KCNIP4: variants seen among roughly 807,000 people sequenced by gnomAD.
The protein encoded by KCNIP4 is Kv channel-interacting protein 4.
In KCNIP4, 12 loss-of-function variants were observed where a neutral mutation model predicts 34.0. That is an observed-to-expected ratio of 0.35 (90% CI 0.23 to 0.57). The LOEUF is 0.57. Ranked by LOEUF, KCNIP4 falls within the 20% of genes least tolerant of loss-of-function variation. The probability of loss-of-function intolerance (pLI) is 0.83; values close to 1 mark genes in which losing one functional copy is unlikely to be tolerated. For missense variants in KCNIP4, 238 were observed against 311.7 expected, an observed-to-expected ratio of 0.76 and a Z score of 1.78; for synonymous variants, 124 against 102.2, an observed-to-expected ratio of 1.21 and a Z score of -1.29.
At chr4:21,814,853 A>G (rs574500263) in intron 1 of KCNIP4, among the ~76,000 whole-genome samples, 2 of 152,304 alleles carry the variant, frequency 1.3e-5, no homozygotes, top group South Asian at 4.1e-4. Context: ...AGGAAATACC[A>G]TCCTGATATG....
At chr4:21,392,934 A>C (rs987681315) in intron 1 of KCNIP4, among the ~76,000 whole-genome samples, 1 of 152,184 alleles carries the variant, frequency 6.6e-6, no homozygotes, top group Non-Finnish European at 1.5e-5. Flanking sequence ...TCCTGATTAC[A>C]CCTGAAGCAA....
chr4:21,621,482 C>T (rs550342251), intron 1 of KCNIP4, among the ~76,000 whole-genome samples: 36 of 152,276 alleles, frequency 2.4e-4, no homozygotes, highest in Middle Eastern at 3.4e-3. Flanking sequence ...CGTCCTGCCT[C>T]AGCCTCCTAA....
chr4:21,559,157 G>T (rs1296603076), intron 1 of KCNIP4, among the ~76,000 whole-genome samples: 2 of 152,016 alleles, frequency 1.3e-5, no homozygotes, highest in Non-Finnish European at 2.9e-5. Flanking sequence ...GTCTATTTAT[G>T]ACCAAATGGA....
chr4:21,675,898 C>G (rs1749853587), intron 1 of KCNIP4, among the ~76,000 whole-genome samples: 1 of 152,144 alleles, frequency 6.6e-6, no homozygotes, highest in South Asian at 2.1e-4. Flanking sequence ...ATATATGTAT[C>G]ATATACCTGG....
intron 1 of KCNIP4, among the ~76,000 whole-genome samples, chr4:21,530,373 T>C (rs1183339352): frequency 6.6e-6 from 1 of 152,224 alleles, no homozygotes; most frequent in Non-Finnish European, 1.5e-5. Context: ...TAAAACATTT[T>C]ATTTACAATT....
chr4:21,102,478 G>T (rs1213071095), intron 1 of KCNIP4, among the ~76,000 whole-genome samples: 1 of 152,114 alleles, frequency 6.6e-6, no homozygotes, highest in Non-Finnish European at 1.5e-5. Flanking sequence ...CTTAAGCAGA[G>T]CTCGTCCCAT....
intron 1 of KCNIP4, among the ~76,000 whole-genome samples, chr4:21,646,189 C>T (rs1335444038): frequency 2.0e-5 from 3 of 152,186 alleles, no homozygotes; most frequent in South Asian, 2.1e-4. Flanking sequence ...TTATCCTCCA[C>T]TTGGCCTTAT....
rs1746547628 is a variant in KCNIP4 at position 21,087,229 on chromosome 4, T to G, written c.62-204520A>C. Reference sequence around the variant, plus strand: ...TCTTGCTCTGCCACCCAGGCTGGAGTTCAGTGGCATGATCTCAGCTCACTG... The same window carrying G: ...TCTTGCTCTGCCACCCAGGCTGGAGGTCAGTGGCATGATCTCAGCTCACTG... On this transcript the variant is annotated intron_variant, in intron 1 of 8. Transcript: ENST00000382152. Among the ~76,000 whole-genome samples, 2 of 146,044 alleles carry G rather than the reference T, an allele frequency of 1.4e-5. 1 individual carries two copies. The highest frequency in any genetic ancestry group is 5.1e-5 in the African/African-American group (2 of 39,476).
chr4:20,967,861 T>A lies in KCNIP4; in HGVS notation c.62-85152A>T, dbSNP rs57541631. On this transcript the variant is annotated intron_variant, in intron 1 of 8. Transcript: ENST00000382152. ...AACCTAGGCAATACCATTCAGGACA[T>A]AGGCATGGGCAAAGACTTCATGACT... 4.5e-3 allele frequency among the ~76,000 whole-genome samples: 686 copies of A among 152,280 alleles called. 6 individuals carry two copies. The highest frequency in any genetic ancestry group is 0.015 in the African/African-American group (633 of 41,544).
At chr4:21,334,650 C>T (rs562504277) in intron 1 of KCNIP4, among the ~76,000 whole-genome samples, 16 of 152,062 alleles carry the variant, frequency 1.1e-4, no homozygotes, top group Non-Finnish European at 2.1e-4. Context: ...AAAGATTCCT[C>T]ATGCTTACTT....
At chr4:21,798,404 C>CATATATCTATATATATATATATATAT (rs1720762238) in intron 1 of KCNIP4, among the ~76,000 whole-genome samples, 1 of 129,644 alleles carries the variant, frequency 7.7e-6, no homozygotes, top group Non-Finnish European at 1.7e-5. Flanking sequence ...CAAAAAAATA[C>CATATATCTATATATATATATATATAT]ATATATATAT....
At chr4:21,635,184 G>A (rs969507656) in intron 1 of KCNIP4, among the ~76,000 whole-genome samples, 2 of 152,130 alleles carry the variant, frequency 1.3e-5, no homozygotes, top group African/African-American at 4.8e-5. Context: ...ATACTTCATT[G>A]AAACTTACTC....
At chr4:21,764,366 T>TA (rs1718261003) in intron 1 of KCNIP4, among the ~76,000 whole-genome samples, 1 of 151,828 alleles carries the variant, frequency 6.6e-6, no homozygotes, top group African/African-American at 2.4e-5. Flanking sequence ...AGAAGAGAAA[T>TA]AAGAAAAGTC....
chr4:21,117,315 G>GGGGGGGGGGGT (rs1749779015), intron 1 of KCNIP4, among the ~76,000 whole-genome samples: 1 of 128,182 alleles, frequency 7.8e-6, no homozygotes. Flanking sequence ...GGGGGGGGGG[G>GGGGGGGGGGGT]GGGGCGCTGT....
At chr4:21,028,036 TCA>T (rs1740699224) in intron 1 of KCNIP4, among the ~76,000 whole-genome samples, 1 of 152,034 alleles carries the variant, frequency 6.6e-6, no homozygotes, top group African/African-American at 2.4e-5. Context: ...GCAGATCTAC[TCA>T]CAGTTTTCCC....
intron 1 of KCNIP4, among the ~76,000 whole-genome samples, chr4:21,122,629 T>C (rs1750260229): frequency 6.6e-6 from 1 of 152,144 alleles, no homozygotes; most frequent in Non-Finnish European, 1.5e-5. Flanking sequence ...AGTCATTGTT[T>C]CCAGGTCCTA....
intron 1 of KCNIP4, among the ~76,000 whole-genome samples, chr4:20,933,407 T>C (rs1041942166): frequency 1.3e-5 from 2 of 152,146 alleles, no homozygotes; most frequent in Non-Finnish European, 2.9e-5. Flanking sequence ...ATCTGATAAG[T>C]AAATGTTCTA....
chr4:21,899,984 A>T (rs1727616957), intron 1 of KCNIP4, among the ~76,000 whole-genome samples: 1 of 152,034 alleles, frequency 6.6e-6, no homozygotes, highest in South Asian at 2.1e-4. Flanking sequence ...TAAAAAAAAA[A>T]CTGGAGGAAT....
intron 1 of KCNIP4, among the ~76,000 whole-genome samples, chr4:21,300,969 G>A (rs1050224863): frequency 5.3e-5 from 8 of 152,112 alleles, no homozygotes; most frequent in African/African-American, 1.9e-4. Flanking sequence ...CAAGAGAGTA[G>A]CAGAGGAGGC....
Sources: allele counts gnomAD v4.1 joint callset (sites outside exome capture counted in the v4.1 genomes callset), GRCh38; gene constraint gnomAD v4.1.1; transcripts MANE v1.5; gene names NCBI Gene and HGNC (gene_info 2026-07-23, HGNC 2026-07-21).